The following MTUS1 variants were observed in gnomAD, a reference collection of about 807,000 sequenced individuals.
MTUS1 encodes the protein microtubule-associated tumor suppressor 1.
MTUS1 carries 109 observed loss-of-function variants against 120.8 expected under a neutral mutation model. The observed-to-expected ratio is 0.90, with a 90% CI of 0.77 to 1.06. The LOEUF (loss-of-function observed/expected upper bound fraction) is 1.06. Among genes scored for constraint, MTUS1 ranks in the 50% least tolerant of loss-of-function variants. The pLI, the probability that MTUS1 is intolerant of heterozygous loss-of-function variation, is 0.00. For missense variants in MTUS1, 2,210 were observed against 1,486.3 expected (o/e 1.49, Z -8.01); for synonymous variants, 737 against 550.5 (o/e 1.34, Z -4.74).
At chr8:17,701,753 G>A (rs1179968634) in intron 6 of MTUS1, among the ~76,000 whole-genome samples, 1 of 152,088 alleles carries the variant, frequency 6.6e-6, no homozygotes, top group Non-Finnish European at 1.5e-5. Context: ...GTTTCACCGT[G>A]TTAGCCAGGA....
intron 1 of MTUS1, among the ~76,000 whole-genome samples, chr8:17,767,190 A>T (rs2049585137): frequency 1.7e-3 from 4 of 2,326 alleles, no homozygotes; most frequent in Non-Finnish European, 4.9e-3. Context: ...CCTCAGGGTA[A>T]AAAAAAAAAA....
intron 1 of MTUS1, among the ~76,000 whole-genome samples, chr8:17,772,955 C>G (rs989707397): frequency 1.3e-5 from 2 of 152,098 alleles, no homozygotes; most frequent in Non-Finnish European, 2.9e-5. Flanking sequence ...AGATTAAACT[C>G]CCAAAGATAC....
At chr8:17,660,594 T>G (rs1809463145) in intron 8 of MTUS1, among the ~76,000 whole-genome samples, 1 of 152,184 alleles carries the variant, frequency 6.6e-6, no homozygotes, top group Admixed American at 6.5e-5. Context: ...ATTAATTATT[T>G]GAAGGACTAT....
intron 1 of MTUS1, among the ~76,000 whole-genome samples, chr8:17,761,142 A>C (rs1037501187): frequency 6.6e-6 from 1 of 152,186 alleles, no homozygotes; most frequent in African/African-American, 2.4e-5. Flanking sequence ...AGGATTTATA[A>C]GGATTAAAAA....
intron 6 of MTUS1, among the ~76,000 whole-genome samples, chr8:17,698,611 T>C (rs892645275): frequency 1.3e-5 from 2 of 152,154 alleles, no homozygotes; most frequent in African/African-American, 2.4e-5. Flanking sequence ...ATAACACTAT[T>C]AAGTGCTATT....
intron 8 of MTUS1, among the ~76,000 whole-genome samples, chr8:17,667,706 T>C (rs764196567): frequency 6.6e-6 from 1 of 152,264 alleles, no homozygotes; most frequent in Non-Finnish European, 1.5e-5. Flanking sequence ...TTCATCAAAC[T>C]TTCCCTGTGG....
chr8:17,742,393 G>A lies in MTUS1; in HGVS notation c.2287+1211C>T, dbSNP rs1356269580. ...GCTTCCTAAAGCACTGGGATTTCAGGCATAAACCACCACACCCAGCCAGGA... is the reference window on the plus strand; with the variant it reads ...GCTTCCTAAAGCACTGGGATTTCAGACATAAACCACCACACCCAGCCAGGA... On this transcript the variant is annotated intron_variant, in intron 3 of 14. Transcript: ENST00000693296. 2.0e-5 allele frequency among the ~76,000 whole-genome samples: 3 copies of A among 150,252 alleles called. No homozygotes were observed. The Admixed American group carries it at 2.0e-4, about 10-fold the overall frequency.
chr8:17,742,236 C>CA (rs1353317663), intron 3 of MTUS1, among the ~76,000 whole-genome samples: 2 of 150,108 alleles, frequency 1.3e-5, no homozygotes, highest in African/African-American at 2.5e-5. Context: ...GGAGCCCCTA[C>CA]AAGGGCACAC....
intron 8 of MTUS1, among the ~76,000 whole-genome samples, chr8:17,660,368 G>C (rs543605701): frequency 8.3e-4 from 126 of 152,106 alleles, no homozygotes; most frequent in Admixed American, 2.0e-3. Flanking sequence ...GCAAGACTCC[G>C]TGTCAAATAA....
At chr8:17,744,445 G>C (rs115169550) in intron 2 of MTUS1, among the ~76,000 whole-genome samples, 1 of 151,748 alleles carries the variant, frequency 6.6e-6, no homozygotes, top group Non-Finnish European at 1.5e-5. Context: ...TTTTTGACAC[G>C]GAGTCTCCTC....
chr8:17,650,406 G>T (rs71526144), intron 12 of MTUS1, among the ~76,000 whole-genome samples: 18,685 of 152,140 alleles, frequency 0.12, 1,326 homozygotes, highest in Non-Finnish European at 0.17. Context: ...GGATAACAAT[G>T]TCCTGAGTGT....
intron 8 of MTUS1, among the ~76,000 whole-genome samples, chr8:17,664,341 A>G (rs1419575113): frequency 6.6e-6 from 1 of 152,202 alleles, no homozygotes; most frequent in Non-Finnish European, 1.5e-5. Flanking sequence ...ACATAAGAGA[A>G]TACCATAGAA....
intron 7 of MTUS1, among the ~76,000 whole-genome samples, chr8:17,678,812 A>C (rs946497149): frequency 2.6e-5 from 4 of 151,602 alleles, no homozygotes; most frequent in African/African-American, 4.8e-5. Flanking sequence ...GGGTGACCTC[A>C]GCCCTGTTCA....
At chr8:17,728,157 G>A (rs2046338693) in intron 3 of MTUS1, among the ~76,000 whole-genome samples, 1 of 152,174 alleles carries the variant, frequency 6.6e-6, no homozygotes, top group East Asian at 1.9e-4. Context: ...GAAGGGAAAT[G>A]GGGAGTTGTT....
intron 2 of MTUS1, among the ~76,000 whole-genome samples, chr8:17,747,284 TA>T (rs1202565006): frequency 1.3e-5 from 2 of 152,314 alleles, no homozygotes; most frequent in East Asian, 3.9e-4. Context: ...TTCAGCTTTG[TA>T]CTCTACCCAG....
At chr8:17,701,185 T>C (rs989341836) in intron 6 of MTUS1, among the ~76,000 whole-genome samples, 3 of 152,202 alleles carry the variant, frequency 2.0e-5, no homozygotes, top group African/African-American at 7.2e-5. Context: ...AATCTTTATA[T>C]TTATCTCCTT....
intron 6 of MTUS1, among the ~76,000 whole-genome samples, chr8:17,710,748 T>C (rs1166484372): frequency 6.6e-6 from 1 of 152,202 alleles, no homozygotes; most frequent in Non-Finnish European, 1.5e-5. Flanking sequence ...AATCAGTATC[T>C]AGGGCAGCTA....
intron 8 of MTUS1, among the ~76,000 whole-genome samples, chr8:17,667,996 T>G (rs1287128264): frequency 6.6e-6 from 1 of 152,214 alleles, no homozygotes; most frequent in African/African-American, 2.4e-5. Context: ...AATTAAGGAT[T>G]AAAATCTTGT....
At position 17,754,936 on chromosome 8, in the gene MTUS1, G is replaced by C. The variant is rs1432398777; in HGVS notation, c.872C>G (p.Ala291Gly). 1.2e-6 allele frequency: 2 copies of C among 1,614,122 alleles called. No individual in the cohort carries two copies. The highest frequency in any genetic ancestry group is 1.7e-6 in the Non-Finnish European group (2 of 1,179,988). Residue 291 changes from alanine to glycine, a missense_variant, in exon 2 of 15, where the codon GCA (alanine) becomes GGA (glycine). By Grantham distance (60) the Ala-to-Gly change is moderately conservative. Coordinates refer to ENST00000693296, the MANE Select transcript of MTUS1 (RefSeq NM_001363059.2). ...QRLVGEKETQ[A>G]LTPVSDGMEV... ...CATGCCATCAGAAACTGGTGTTAGT[G>C]CTTGTGTCTCCTTTTCTCCAACTAG...
Sources: allele counts gnomAD v4.1 joint callset (sites outside exome capture counted in the v4.1 genomes callset), GRCh38; gene constraint gnomAD v4.1.1; transcripts MANE v1.5; gene names NCBI Gene and HGNC (gene_info 2026-07-23, HGNC 2026-07-21).